Variants in OPRPN observed in about 807,000 individuals in gnomAD.
The protein encoded by OPRPN is opiorphin prepropeptide.
In OPRPN, 1 loss-of-function variant was observed where a neutral mutation model predicts 2.2. The observed-to-expected ratio is 0.45, with a 90% CI of 0.16 to 2.15. The LOEUF is 2.15. Among genes scored for constraint, OPRPN ranks in the 30% most tolerant of loss-of-function variants. OPRPN has a pLI of 0.28. For synonymous variants in OPRPN, 126 were observed against 111.5 expected (o/e 1.13, Z -0.82); for missense variants, 306 against 297.3 (o/e 1.03, Z -0.21).
chr4:70,401,307 T>C (rs17148868), intron 2 of OPRPN, among the ~76,000 whole-genome samples: 12,306 of 152,084 alleles, frequency 0.081, 747 homozygotes, highest in East Asian at 0.21. Context: ...AAGGTCACTC[T>C]AGCAAAAATT....
chr4:70,402,393 C>T (rs17148885), intron 2 of OPRPN, among the ~76,000 whole-genome samples: 12,321 of 152,014 alleles, frequency 0.081, 753 homozygotes, highest in East Asian at 0.21. Context: ...AATGTTGTCA[C>T]GGGAAAGGAT....
intron 2 of OPRPN, among the ~76,000 whole-genome samples, chr4:70,406,963 A>C (rs1454073260): frequency 6.6e-6 from 1 of 152,194 alleles, no homozygotes; most frequent in Non-Finnish European, 1.5e-5. Flanking sequence ...ATAAATATAA[A>C]GTAGAACTGG....
intron 2 of OPRPN, chr4:70,399,563 G>A (rs1262525053): frequency 4.7e-6 from 2 of 424,086 alleles, no homozygotes; most frequent in African/African-American, 2.0e-5. Flanking sequence ...GAGGACACAG[G>A]GCAGGTAGTA....
At position 70,398,019 on chromosome 4, in the gene OPRPN, C is replaced by T. The variant is rs1732898559; in HGVS notation, c.-37C>T. 2 of 151,822 alleles carry T rather than the reference C, an allele frequency of 1.3e-5. No homozygotes were observed. The highest frequency in any genetic ancestry group is 4.8e-5 in the African/African-American group (2 of 41,360). The allele number at this position is 151,822 out of a possible 1,614,324, so 9.4% of individuals were successfully genotyped here. A position where few individuals can be genotyped will look rare whatever the true frequency, so the allele number is the denominator to read the frequency against. On this transcript the variant is annotated 5_prime_UTR_variant, in exon 1 of 3. Coordinates refer to ENST00000399575, the MANE Select transcript of OPRPN (RefSeq NM_021225.5). Reference sequence around the variant, plus strand: ...AGTAAGATTAAGCAGTAATTTGTTCCAAAGAAGAATCTTCTACCAAGGTAG... The same window carrying T: ...AGTAAGATTAAGCAGTAATTTGTTCTAAAGAAGAATCTTCTACCAAGGTAG...
rs756999042 is a variant in OPRPN at position 70,409,595 on chromosome 4, A to G, written c.267A>G (p.Pro89=). 1 of 1,613,594 alleles carries G rather than the reference A, an allele frequency of 6.2e-7. No individual in the cohort carries two copies. Among genetic ancestry groups the G allele is most frequent in the Admixed American group, 1.7e-5 (1 of 60,006 alleles). ...CAGTCATTCTATCTCAACTCTTTCCATTGGAATCTATTAGACAACCTCGAC... is the reference window on the plus strand; with the variant it reads ...CAGTCATTCTATCTCAACTCTTTCCGTTGGAATCTATTAGACAACCTCGAC... ...SQAVILSQLF[P]LESIRQPRLF... is the part of the protein sequence containing the mutation. The change falls in exon 3 of 3, where the codon CCA becomes CCG. Residue 89 remains proline, a synonymous_variant. Transcript: ENST00000399575.
rs76472753 is a variant in OPRPN at position 70,409,515 on chromosome 4, C to T, written c.187C>T (p.Leu63Phe). ...YDSRLNSPLS[L>F]PFVPGRVPPS... The stretch of plus-strand genomic sequence containing the variant: ...CTCAAGACTTAATTCACCACTTTCT[C>T]TTCCCTTTGTCCCAGGGCGAGTTCC... The change falls in exon 3 of 3, where the codon CTT (leucine) becomes TTT (phenylalanine). Residue 63 changes from leucine to phenylalanine, a missense_variant. Leu to Phe is a conservative substitution (Grantham distance 22, BLOSUM62 0). Transcript: ENST00000399575. 8,747 of 1,614,042 alleles carry T rather than the reference C, an allele frequency of 5.4e-3. 466 individuals carry two copies. The East Asian group carries it at 0.12, about 22-fold the overall frequency.
At chr4:70,401,662 G>A (rs947683213) in intron 2 of OPRPN, among the ~76,000 whole-genome samples, 14 of 151,992 alleles carry the variant, frequency 9.2e-5, no homozygotes, top group African/African-American at 2.9e-4. Flanking sequence ...TGTAGTTGAC[G>A]CCAAGTAATA....
chr4:70,399,659 A>G (rs1732930862), intron 2 of OPRPN: 2 of 184,212 alleles, frequency 1.1e-5, no homozygotes, highest in Non-Finnish European at 2.3e-5. Flanking sequence ...TCAGAAAAAT[A>G]TAATTTAAGC....
Position 70,410,190 on chromosome 4 carries a change from C to A in OPRPN, c.*115C>A. 1 of 691,098 alleles carries A rather than the reference C, an allele frequency of 1.4e-6. No homozygotes were observed. The highest frequency in any genetic ancestry group is 2.3e-6 in the Non-Finnish European group (1 of 439,456). The allele number at this position is 691,098 out of a possible 1,614,324, so 42.8% of individuals were successfully genotyped here. A position where few individuals can be genotyped will look rare whatever the true frequency, so the allele number is the denominator to read the frequency against. On this transcript the variant is annotated 3_prime_UTR_variant, in exon 3 of 3. Transcript: ENST00000399575. Reference sequence around the variant, plus strand: ...CAGCACACTAAATAAAGTATTTGAGCAATAATATGCACCTATTGCTATCAT... The same window carrying A: ...CAGCACACTAAATAAAGTATTTGAGAAATAATATGCACCTATTGCTATCAT...
chr4:70,408,807 T>G (rs1282344292), intron 2 of OPRPN, among the ~76,000 whole-genome samples: 1 of 152,216 alleles, frequency 6.6e-6, no homozygotes, highest in East Asian at 1.9e-4. Flanking sequence ...CTATACTAGC[T>G]CCATAGGCTT....
At position 70,410,079 on chromosome 4, in the gene OPRPN, T is replaced by A. The variant is rs749278263; in HGVS notation, c.*4T>A. 1 of 1,527,104 alleles carries A rather than the reference T, an allele frequency of 6.5e-7. No homozygotes were observed. Among genetic ancestry groups the A allele is most frequent in the Admixed American group, 2.1e-5 (1 of 46,760 alleles). The allele number at this position is 1,527,104 out of a possible 1,614,324, so 94.6% of individuals were successfully genotyped here. A position where few individuals can be genotyped will look rare whatever the true frequency, so the allele number is the denominator to read the frequency against. On this transcript the variant is annotated 3_prime_UTR_variant, in exon 3 of 3. Transcript: ENST00000399575. ...ACTCTTTGCCATTTTTGGTTGAACA[T>A]GCAATAAATGATATTTTCCAAACTG...
At chr4:70,408,631 A>G (rs1478976704) in intron 2 of OPRPN, among the ~76,000 whole-genome samples, 35 of 152,190 alleles carry the variant, frequency 2.3e-4, no homozygotes, top group South Asian at 2.1e-4. Context: ...GTATAATCCT[A>G]TCTACCACTA....
intron 1 of OPRPN, among the ~76,000 whole-genome samples, chr4:70,398,693 T>G (rs1224866323): frequency 6.6e-6 from 1 of 151,938 alleles, no homozygotes; most frequent in Non-Finnish European, 1.5e-5. Context: ...AGACAATAAT[T>G]GACTTTTGGA....
At position 70,399,252 on chromosome 4, in the gene OPRPN, A is replaced by G; in HGVS notation, c.-15-19A>G. 3 of 1,562,496 alleles carry G rather than the reference A, an allele frequency of 1.9e-6. No homozygotes were observed. The highest frequency in any genetic ancestry group is 2.6e-6 in the Non-Finnish European group (3 of 1,142,566). The stretch of plus-strand genomic sequence containing the variant: ...TGATCGATTTGGCTAACTGTGGATA[A>G]TCTTTGGCCTGTTTGTAGGAGCAAC... On this transcript the variant is annotated intron_variant, in intron 1 of 2. Coordinates refer to ENST00000399575, the MANE Select transcript of OPRPN (RefSeq NM_021225.5).
chr4:70,408,474 A>G (rs141751658), intron 2 of OPRPN, among the ~76,000 whole-genome samples: 3,603 of 152,346 alleles, frequency 0.024, 53 homozygotes, highest in Non-Finnish European at 0.037. Context: ...CATCTAAATT[A>G]CTAAAATTGT....
chr4:70,404,341 G>A (rs1370427780), intron 2 of OPRPN, among the ~76,000 whole-genome samples: 1 of 151,844 alleles, frequency 6.6e-6, no homozygotes, highest in African/African-American at 2.4e-5. Context: ...TCCTCTTCCT[G>A]ATCTCTAAAT....
In OPRPN at chr4:70,399,427, T is replaced by A. The variant is rs1732927179; in HGVS notation, c.51+91T>A. The A allele has an allele frequency of 1.4e-5, 15 of 1,102,598 alleles. No individual in the cohort carries two copies. The South Asian group carries it at 1.6e-4, about 12-fold the overall frequency. The allele number at this position is 1,102,598 out of a possible 1,614,324, so 68.3% of individuals were successfully genotyped here. ...TTGATACCAAGAATTTTGTCCTGTA[T>A]ATAAAAATACAGTGTCAGGCTGTTG... On this transcript the variant is annotated intron_variant, in intron 2 of 2. Coordinates refer to ENST00000399575, the MANE Select transcript of OPRPN (RefSeq NM_021225.5).
At position 70,409,748 on chromosome 4, in the gene OPRPN, T is replaced by C; in HGVS notation, c.420T>C (p.Pro140=). Residue 140 remains proline, a synonymous_variant, in exon 3 of 3, where the codon CCT becomes CCC. Transcript: ENST00000399575. ...FLAIYLPISN[P]EPQINITTAD... is the part of the protein sequence containing the mutation. The stretch of plus-strand genomic sequence containing the variant: ...CTATTTACCTTCCTATCTCTAACCC[T>C]GAGCCCCAAATAAACATCACCACCG... The C allele has an allele frequency of 6.2e-7, 1 of 1,613,580 alleles. No individual in the cohort carries two copies. The highest frequency in any genetic ancestry group is 1.3e-5 in the African/African-American group (1 of 74,892).
Position 70,399,349 on chromosome 4 carries a change from A to T in OPRPN, c.51+13A>T. 3 of 1,566,190 alleles carry T rather than the reference A, an allele frequency of 1.9e-6. No homozygotes were observed. Among genetic ancestry groups the T allele is most frequent in the Non-Finnish European group, 2.6e-6 (3 of 1,140,150 alleles). On this transcript the variant is annotated intron_variant, in intron 2 of 2. Transcript: ENST00000399575. Reference sequence around the variant, plus strand: ...TTCATGTTTCACAGTAAGTTCCCTCAATTCTAAATTTACTTGTTATATTTA... The same window carrying T: ...TTCATGTTTCACAGTAAGTTCCCTCTATTCTAAATTTACTTGTTATATTTA...
Sources: allele counts gnomAD v4.1 joint callset (sites outside exome capture counted in the v4.1 genomes callset), GRCh38; gene constraint gnomAD v4.1.1; transcripts MANE v1.5; gene names NCBI Gene and HGNC (gene_info 2026-07-23, HGNC 2026-07-21).